Variants in CACNA1E observed in about 807,000 individuals in gnomAD.
CACNA1E encodes calcium voltage-gated channel subunit alpha1 E, also known as voltage-dependent R-type calcium channel subunit alpha-1E.
Under a neutral mutation model 259.2 loss-of-function variants are expected in CACNA1E, and 40 were observed. The ratio of observed to expected loss-of-function variants is 0.15; its 90% CI spans 0.12 to 0.20. CACNA1E has a LOEUF of 0.20. Among genes scored for constraint, CACNA1E ranks in the 10% least tolerant of loss-of-function variants. The pLI is 1.00. For missense variants in CACNA1E, 1,874 were observed against 3,040.1 expected (o/e 0.62, Z 9.02); for synonymous variants, 1,104 against 1,138.5 (o/e 0.97, Z 0.61).
intron 1 of CACNA1E, among the ~76,000 whole-genome samples, chr1:181,497,768 C>T (rs1664890051): frequency 6.6e-6 from 1 of 152,200 alleles, no homozygotes; most frequent in Admixed American, 6.5e-5. Flanking sequence ...TTTAGGATGA[C>T]ACTGTGAACT....
At chr1:181,543,286 T>C (rs4651106) in intron 3 of CACNA1E, among the ~76,000 whole-genome samples, 151,383 of 152,268 alleles carry the variant, frequency 0.99, 75,257 homozygotes, top group Middle Eastern at 1. Flanking sequence ...GGGGACCACA[T>C]TTTGGGAACC....
chr1:181,600,306 A>G (rs754528017), intron 6 of CACNA1E, among the ~76,000 whole-genome samples: 1 of 152,198 alleles, frequency 6.6e-6, no homozygotes, highest in Non-Finnish European at 1.5e-5. Context: ...GGCCTCGTTG[A>G]CTGTGATTAG....
At chr1:181,655,870 G>C (rs754205411) in intron 7 of CACNA1E, among the ~76,000 whole-genome samples, 3 of 152,184 alleles carry the variant, frequency 2.0e-5, no homozygotes, top group African/African-American at 7.2e-5. Context: ...ACTATATACA[G>C]TCATGTGCCA....
chr1:181,625,423 C>T (rs1656109265), intron 6 of CACNA1E, among the ~76,000 whole-genome samples: 1 of 152,008 alleles, frequency 6.6e-6, no homozygotes, highest in African/African-American at 2.4e-5. Flanking sequence ...TTTAGTGTAC[C>T]CGTCTTTATC....
Position 181,461,401 on chromosome 1 carries a change from C to T in CACNA1E, c.435-22343C>T, listed in dbSNP as rs566650849. Among the ~76,000 whole-genome samples, 194 of 151,782 alleles carry T rather than the reference C, an allele frequency of 1.3e-3. 2 individuals carry two copies. Among genetic ancestry groups the T allele is most frequent in the African/African-American group, 4.2e-3 (175 of 41,288 alleles). On this transcript the variant is annotated intron_variant, in intron 2 of 11. Transcript: ENST00000524607. ...CTAAAAATACAAAAAATTAGCCGGG[C>T]GTGGTGGCGGGCGCCTGTAGACCCA...
At chr1:181,743,359 G>A (rs143601414) in intron 25 of CACNA1E, among the ~76,000 whole-genome samples, 245 of 152,290 alleles carry the variant, frequency 1.6e-3, no homozygotes, top group African/African-American at 5.2e-3. Context: ...ACCAGAAACC[G>A]CTTTGTCTAG....
chr1:181,547,075 A>G (rs4652664), intron 3 of CACNA1E, among the ~76,000 whole-genome samples: 33,973 of 152,044 alleles, frequency 0.22, 4,728 homozygotes, highest in African/African-American at 0.39. Context: ...ACGGCCATGA[A>G]AATCTCACTA....
intron 2 of CACNA1E, among the ~76,000 whole-genome samples, chr1:181,419,598 G>A (rs1658569698): frequency 6.6e-6 from 1 of 152,242 alleles, no homozygotes; most frequent in Non-Finnish European, 1.5e-5. Context: ...TTGCACTGGA[G>A]TGCAAGCTTC....
At chr1:181,736,776 G>T (rs1347204945) in intron 22 of CACNA1E, among the ~76,000 whole-genome samples, 1 of 152,222 alleles carries the variant, frequency 6.6e-6, no homozygotes, top group Non-Finnish European at 1.5e-5. Context: ...TATTCCAGAA[G>T]TGGATAGAGC....
intron 21 of CACNA1E, 113 bp downstream of exon 21, chr1:181,733,863 CAAG>C (rs1163301320): frequency 1.8e-5 from 14 of 760,792 alleles, no homozygotes; most frequent in Admixed American, 4.1e-5. Flanking sequence ...AATCATCCTT[CAAG>C]AAGTAAAAAT....
At chr1:181,671,057 A>C (rs535299849) in intron 7 of CACNA1E, among the ~76,000 whole-genome samples, 2 of 152,316 alleles carry the variant, frequency 1.3e-5, no homozygotes, top group Non-Finnish European at 2.9e-5. Flanking sequence ...TTATTGAGAC[A>C]CGGTCTTGCT....
intron 1 of CACNA1E, among the ~76,000 whole-genome samples, chr1:181,401,955 G>T (rs1296245320): frequency 6.6e-6 from 1 of 152,206 alleles, no homozygotes; most frequent in Non-Finnish European, 1.5e-5. Flanking sequence ...GAAGAGCCTG[G>T]CCCTGGGGCA....
intron 1 of CACNA1E, among the ~76,000 whole-genome samples, chr1:181,385,656 C>T (rs1655789059): frequency 6.6e-6 from 1 of 152,172 alleles, no homozygotes; most frequent in African/African-American, 2.4e-5. Flanking sequence ...AAGGCAGGGA[C>T]TTTGAATCCG....
At chr1:181,564,047 G>C (rs1401292634) in intron 3 of CACNA1E, among the ~76,000 whole-genome samples, 3 of 152,132 alleles carry the variant, frequency 2.0e-5, no homozygotes, top group Non-Finnish European at 4.4e-5. Flanking sequence ...TTTTGCTCCT[G>C]GTAGATCTTA....
At chr1:181,426,964 A>T (rs200903235) in intron 2 of CACNA1E, among the ~76,000 whole-genome samples, 1 of 144,778 alleles carries the variant, frequency 6.9e-6, no homozygotes, top group Non-Finnish European at 1.5e-5. Context: ...TCACAACTCA[A>T]CCCCTTCCCA....
At chr1:181,751,567 CCTCACCTTGCTGT>C (rs1405852572) in intron 26 of CACNA1E, among the ~76,000 whole-genome samples, 1 of 152,208 alleles carries the variant, frequency 6.6e-6, no homozygotes, top group East Asian at 1.9e-4. Context: ...TGCCACCCTG[CCTCACCTTGCTGT>C]CTCCTGAACT....
chr1:181,703,609 A>G (rs944447685), intron 7 of CACNA1E, among the ~76,000 whole-genome samples: 3 of 152,210 alleles, frequency 2.0e-5, no homozygotes, highest in African/African-American at 7.2e-5. Flanking sequence ...TATTGAGAAG[A>G]GAAAGAAAAA....
chr1:181,707,475 G>A (rs1280455748), intron 7 of CACNA1E, among the ~76,000 whole-genome samples: 1 of 152,172 alleles, frequency 6.6e-6, no homozygotes, highest in Non-Finnish European at 1.5e-5. Context: ...TGGAAACAGC[G>A]CTTAACCTGG....
chr1:181,433,148 T>C (rs952330444), intron 2 of CACNA1E, among the ~76,000 whole-genome samples: 1 of 152,156 alleles, frequency 6.6e-6, no homozygotes, highest in Non-Finnish European at 1.5e-5. Flanking sequence ...CCTTGAGGAT[T>C]GTCACCTTTT....
Sources: gnomAD v4.1 joint callset for allele counts (sites outside exome capture counted in the v4.1 genomes callset) on GRCh38, gnomAD v4.1.1 for gene constraint, MANE v1.5 for transcripts, NCBI Gene and HGNC (gene_info 2026-07-23, HGNC 2026-07-21) for gene names.